Variants in FXN observed in about 807,000 individuals in gnomAD.
The protein encoded by FXN is frataxin, also known as frataxin, mitochondrial.
Under a neutral mutation model 22.4 loss-of-function variants are expected in FXN, and 14 were observed. The ratio of observed to expected loss-of-function variants is 0.62; its 90% CI spans 0.41 to 0.98. FXN has a LOEUF of 0.98. FXN is among the 50% of genes least tolerant of loss of function. The pLI, the probability that FXN is intolerant of heterozygous loss-of-function variation, is 0.00. For synonymous variants in FXN, 120 were observed against 114.1 expected (o/e 1.05, Z -0.33); for missense variants, 267 against 268.4 (o/e 0.99, Z 0.04).
intron 3 of FXN, 136 bp downstream of exon 3, chr9:69,053,396 G>C: frequency 8.9e-7 from 1 of 1,124,800 alleles, no homozygotes; most frequent in Non-Finnish European, 1.3e-6. Context: ...CTAGGGTTCC[G>C]GGAGGTGAAG....
chr9:69,037,284 A>AGAAGAAGAAGAAGAAGAAGAAGAAG (rs1554758734), intron 1 of FXN, among the ~76,000 whole-genome samples: 3 of 78,060 alleles, frequency 3.8e-5, no homozygotes, highest in East Asian at 3.1e-4. Context: ...AAAAAAAAAA[A>AGAAGAAGAAGAAGAAGAAGAAGAAG]AAGAAGAAGA....
intron 2 of FXN, among the ~76,000 whole-genome samples, chr9:69,049,287 G>A (rs773674426): frequency 4.6e-5 from 7 of 151,936 alleles, no homozygotes; most frequent in Non-Finnish European, 8.8e-5. Context: ...CCTCTCCTAC[G>A]CATTCTCTCC....
chr9:69,071,803 T>C (rs73647066), intron 4 of FXN, among the ~76,000 whole-genome samples: 11,245 of 152,240 alleles, frequency 0.074, 581 homozygotes, highest in African/African-American at 0.15. Flanking sequence ...ATAGTTGGCC[T>C]TGTGTATCTG....
chr9:69,050,942 G>A (rs1587820405), intron 2 of FXN, among the ~76,000 whole-genome samples: 2 of 151,992 alleles, frequency 1.3e-5, no homozygotes, highest in South Asian at 4.2e-4. Flanking sequence ...CACTATGCCC[G>A]GCTAATTTTG....
intron 4 of FXN, among the ~76,000 whole-genome samples, chr9:69,068,836 T>C (rs941725098): frequency 6.6e-6 from 1 of 152,144 alleles, no homozygotes; most frequent in Non-Finnish European, 1.5e-5. Context: ...GGGTTCCAAA[T>C]GAAATGAGCA....
rs1437270623 is a variant in FXN, at chr9:69,052,988, C to T, written c.264-152C>T. 9 of 798,306 alleles carry T rather than the reference C, an allele frequency of 1.1e-5. No homozygotes were observed. In the African/African-American group the frequency reaches 1.6e-4, roughly 14 times the overall value. 49.5% of individuals were successfully genotyped at this position (798,306 alleles called of 1,614,324 possible). ...CCTGGGTGACAGAGTGAGACTCTGT[C>T]TCAAAAAAAAAAAAAAAAGAAAGAA... On this transcript the variant is annotated intron_variant, in intron 2 of 4. Coordinates refer to ENST00000484259, the MANE Select transcript of FXN (RefSeq NM_000144.5).
chr9:69,046,461 C>G lies in FXN; in HGVS notation c.242C>G (p.Ser81Cys). The change falls in exon 2 of 5, where the codon TCT becomes TGT. Residue 81 changes from serine (S) to cysteine (C), a missense_variant. Transcript: ENST00000484259. ...QSVYLMNLRK[S>C]GTLGHPGSLD... ...GTCTATTTGATGAATTTGAGGAAATCTGGAACTTTGGGCCACCCAGGGTAA... is the reference window on the plus strand; with the variant it reads ...GTCTATTTGATGAATTTGAGGAAATGTGGAACTTTGGGCCACCCAGGGTAA... 2 of 1,613,900 alleles carry G rather than the reference C, an allele frequency of 1.2e-6. No homozygotes were observed. Among genetic ancestry groups the G allele is most frequent in the Non-Finnish European group, 1.7e-6 (2 of 1,179,856 alleles).
At chr9:69,042,568 AT>A (rs1323949293) in intron 1 of FXN, among the ~76,000 whole-genome samples, 1 of 152,222 alleles carries the variant, frequency 6.6e-6, no homozygotes, top group Non-Finnish European at 1.5e-5. Context: ...AGCAAGGAGT[AT>A]TTGGCAACGG....
Position 69,073,065 on chromosome 9 carries a change from G to A in FXN, c.*303G>A. ...CCTGAATATAACAACCTTTAAAAAA[G>A]CAAAATAATAAGAAGGAAAAATTCC... On this transcript the variant is annotated 3_prime_UTR_variant, in exon 5 of 5. Transcript: ENST00000484259. The A allele has an allele frequency of 8.2e-7, 1 of 1,215,430 alleles. No homozygotes were observed. Among genetic ancestry groups the A allele is most frequent in the Non-Finnish European group, 1.0e-6 (1 of 972,390 alleles). The allele number at this position is 1,215,430 out of a possible 1,614,324, so 75.3% of individuals were successfully genotyped here.
At position 69,074,200 on chromosome 9, in the gene FXN, T is replaced by A. The variant is rs113265426; in HGVS notation, c.*1438T>A. 2.2e-6 allele frequency: 2 copies of A among 889,920 alleles called. No individual in the cohort carries two copies. Among genetic ancestry groups the A allele is most frequent in the Non-Finnish European group, 2.7e-6 (2 of 743,562 alleles). The allele number at this position is 889,920 out of a possible 1,614,324, so 55.1% of individuals were successfully genotyped here. On this transcript the variant is annotated 3_prime_UTR_variant, in exon 5 of 5. Coordinates refer to ENST00000484259, the MANE Select transcript of FXN (RefSeq NM_000144.5). Reference sequence around the variant, plus strand: ...CTCTGTCTCAAAATAATAATAACAATATAATAATAATAATAGCCATCCTTT... The same window carrying A: ...CTCTGTCTCAAAATAATAATAACAAAATAATAATAATAATAGCCATCCTTT...
intron 1 of FXN, 33 bp downstream of exon 1, chr9:69,035,980 G>A (rs931989588): frequency 5.7e-6 from 8 of 1,399,168 alleles, no homozygotes; most frequent in South Asian, 4.4e-5. Flanking sequence ...GCCGCGGGCC[G>A]CACGCCGCGG....
chr9:69,053,763 A>G lies in FXN; in HGVS notation c.384+503A>G, dbSNP rs572879461. ...AGACCCGTAGTTCTTCAGTAGGGATAAGATAACTGCCCAAAAGTTATTTAG... is the reference window on the plus strand; with the variant it reads ...AGACCCGTAGTTCTTCAGTAGGGATGAGATAACTGCCCAAAAGTTATTTAG... On this transcript the variant is annotated intron_variant, in intron 3 of 4. Transcript: ENST00000484259. Among the ~76,000 whole-genome samples the G allele has an allele frequency of 3.3e-5, 5 of 152,290 alleles. No homozygotes were observed. In the South Asian group the frequency reaches 8.3e-4, roughly 25 times the overall value.
intron 1 of FXN, among the ~76,000 whole-genome samples, chr9:69,039,364 C>G (rs907453005): frequency 6.6e-6 from 1 of 152,206 alleles, no homozygotes; most frequent in African/African-American, 2.4e-5. Context: ...AGCCACATTT[C>G]TAGTGCTCAG....
chr9:69,074,056 G>C lies in FXN; in HGVS notation c.*1294G>C, dbSNP rs1317745519. On this transcript the variant is annotated 3_prime_UTR_variant, in exon 5 of 5. Transcript: ENST00000484259. ...AAAAATTAGCCGGGCATGATGGCAGGTGCCTGTAATCCCAGCTACTTGGGA... is the reference window on the plus strand; with the variant it reads ...AAAAATTAGCCGGGCATGATGGCAGCTGCCTGTAATCCCAGCTACTTGGGA... The C allele has an allele frequency of 3.2e-6, 1 of 310,158 alleles. No individual in the cohort carries two copies. The highest frequency in any genetic ancestry group is 4.7e-6 in the Non-Finnish European group (1 of 212,872). The allele number at this position is 310,158 out of a possible 1,614,324, so 19.2% of individuals were successfully genotyped here.
chr9:69,039,183 G>A (rs1349543378), intron 1 of FXN, among the ~76,000 whole-genome samples: 1 of 151,826 alleles, frequency 6.6e-6, no homozygotes, highest in Non-Finnish European at 1.5e-5. Flanking sequence ...AACCCGGGAG[G>A]TGGTGGAGGT....
Position 69,073,848 on chromosome 9 carries a change from G to C in FXN, c.*1086G>C, listed in dbSNP as rs1587832995. ...AGCTATATAGGAAACATTGTTATTG[G>C]TGTTGCCCTATCGTGATTTCAGTTG... On this transcript the variant is annotated 3_prime_UTR_variant, in exon 5 of 5. Coordinates refer to ENST00000484259, the MANE Select transcript of FXN (RefSeq NM_000144.5). The C allele has an allele frequency of 1.0e-6, 1 of 985,408 alleles. No homozygotes were observed. The highest frequency in any genetic ancestry group is 1.1e-4 in the East Asian group (1 of 8,812). The allele number at this position is 985,408 out of a possible 1,614,324, so 61.0% of individuals were successfully genotyped here.
chr9:69,036,183 C>G (rs779407412), intron 1 of FXN: 29 of 285,718 alleles, frequency 1.0e-4, no homozygotes, highest in Middle Eastern at 1.0e-3. Flanking sequence ...ACATTTTGTC[C>G]TGCGGTGCGA....
chr9:69,036,066 C>T (rs1459160285), intron 1 of FXN, 119 bp downstream of exon 1: 1 of 882,548 alleles, frequency 1.1e-6, no homozygotes, highest in Non-Finnish European at 1.5e-6. Flanking sequence ...TGGACTAGCT[C>T]ACCCCGCTCC....
In FXN at chr9:69,051,928, A is replaced by G. The variant is rs768302281; in HGVS notation, c.264-1212A>G. Among the ~76,000 whole-genome samples, 192 of 152,124 alleles carry G rather than the reference A, an allele frequency of 1.3e-3. 2 individuals carry two copies. Among genetic ancestry groups the G allele is most frequent in the Non-Finnish European group, 2.2e-4 (15 of 67,996 alleles). ...AGTGGTGCCACCTCAGCTCACTGCA[A>G]CCTCCGCCCCCTGGATTCAAGAGAT... On this transcript the variant is annotated intron_variant, in intron 2 of 4. Transcript: ENST00000484259.
Sources: allele counts gnomAD v4.1 joint callset (sites outside exome capture counted in the v4.1 genomes callset), GRCh38; gene constraint gnomAD v4.1.1; transcripts MANE v1.5; gene names NCBI Gene and HGNC (gene_info 2026-07-23, HGNC 2026-07-21).